Variants in CUL2 observed in about 807,000 individuals in gnomAD.
The protein encoded by CUL2 is cullin 2.
In CUL2, 22 loss-of-function variants were observed where a neutral mutation model predicts 110.2. The ratio of observed to expected loss-of-function variants is 0.20; its 90% CI spans 0.14 to 0.28. The LOEUF (loss-of-function observed/expected upper bound fraction) is 0.28. CUL2 is among the 10% of genes least tolerant of loss of function. CUL2 has a pLI of 1.00. For synonymous variants in CUL2, 279 were observed against 293.2 expected (o/e 0.95, Z 0.49); for missense variants, 631 against 905.5 (o/e 0.70, Z 3.89).
At chr10:35,126,112 G>C (rs1162114748) in intron 1 of CUL2, among the ~76,000 whole-genome samples, 2 of 151,646 alleles carry the variant, frequency 1.3e-5, no homozygotes, top group East Asian at 3.9e-4. Context: ...GTGAGCCCCC[G>C]GCCGACCTTT....
intron 17 of CUL2, among the ~76,000 whole-genome samples, chr10:35,024,485 T>G (rs1588959871): frequency 6.6e-6 from 1 of 152,184 alleles, no homozygotes; most frequent in African/African-American, 2.4e-5. Flanking sequence ...TCAATGAACT[T>G]GTCAAAGCAT....
At chr10:35,013,050 T>C (rs2134617172) in intron 19 of CUL2, among the ~76,000 whole-genome samples, 1 of 152,224 alleles carries the variant, frequency 6.6e-6, no homozygotes, top group South Asian at 2.1e-4. Flanking sequence ...TTGAAAGAAA[T>C]GAGCTGTAGG....
chr10:35,048,808 C>T (rs1446084573), intron 6 of CUL2, among the ~76,000 whole-genome samples: 1 of 152,176 alleles, frequency 6.6e-6, no homozygotes, highest in Non-Finnish European at 1.5e-5. Flanking sequence ...TAAAAATATT[C>T]TCTTATCTTC....
intron 2 of CUL2, among the ~76,000 whole-genome samples, chr10:35,067,298 C>T (rs1277746765): frequency 1.3e-5 from 2 of 152,100 alleles, no homozygotes; most frequent in East Asian, 1.9e-4. Context: ...CTTTAGATGC[C>T]ACTTCTCCTC....
intron 2 of CUL2, among the ~76,000 whole-genome samples, chr10:35,097,351 T>C (rs1025973653): frequency 4.6e-5 from 7 of 151,934 alleles, no homozygotes; most frequent in Non-Finnish European, 8.8e-5. Flanking sequence ...GGAGGGAGGA[T>C]TGCTTGAGGC....
chr10:35,035,847 C>T (rs1054936032), intron 9 of CUL2, among the ~76,000 whole-genome samples: 2 of 152,214 alleles, frequency 1.3e-5, no homozygotes, highest in Non-Finnish European at 2.9e-5. Flanking sequence ...ACCACAGCTG[C>T]CAACAGCAGA....
chr10:35,076,607 C>T lies in CUL2; in HGVS notation c.-22-5268G>A, dbSNP rs574623664. ...CATTGCCACCTCCCATTGAATGAGG[C>T]AATAAATGTTATATGTTCCTGGGTG... On this transcript the variant is annotated intron_variant, in intron 1 of 20. Transcript: ENST00000374749. 7.9e-5 allele frequency among the ~76,000 whole-genome samples: 12 copies of T among 152,200 alleles called. No homozygotes were observed. The East Asian group carries it at 2.3e-3, about 29-fold the overall frequency.
chr10:35,029,650 A>G lies in CUL2; in HGVS notation c.1387-10T>C, dbSNP rs2085432911. ...CATAACCACAGGCTTGCTATAAAAAAGTTTTAGAAAATACATGAATTCAAA... is the reference window on the plus strand; with the variant it reads ...CATAACCACAGGCTTGCTATAAAAAGGTTTTAGAAAATACATGAATTCAAA... On this transcript the variant is annotated splice_polypyrimidine_tract_variant and intron_variant, in intron 14 of 20. Coordinates refer to ENST00000374749, the MANE Select transcript of CUL2 (RefSeq NM_003591.4). The G allele has an allele frequency of 1.3e-6, 2 of 1,574,116 alleles. No individual in the cohort carries two copies. Among genetic ancestry groups the G allele is most frequent in the African/African-American group, 2.8e-5 (2 of 72,506 alleles).
intron 2 of CUL2, among the ~76,000 whole-genome samples, chr10:35,066,547 G>A (rs540776505): frequency 1.3e-5 from 2 of 152,264 alleles, no homozygotes; most frequent in African/African-American, 4.8e-5. Context: ...TGATCCACCC[G>A]CCTCAACCTC....
At chr10:35,035,062 T>C (rs1201089311) in intron 10 of CUL2, 110 bp downstream of exon 10, 4 of 1,268,756 alleles carry the variant, frequency 3.2e-6, no homozygotes, top group Non-Finnish European at 4.4e-6. Context: ...ATTTCTTTCG[T>C]TGGCATGGTA....
At chr10:35,116,761 T>C (rs960030530) in intron 1 of CUL2, among the ~76,000 whole-genome samples, 1 of 152,108 alleles carries the variant, frequency 6.6e-6, no homozygotes, top group Non-Finnish European at 1.5e-5. Flanking sequence ...GGTCAAGAGA[T>C]TGAGACCATC....
intron 17 of CUL2, among the ~76,000 whole-genome samples, chr10:35,022,986 A>C (rs916808016): frequency 6.6e-6 from 1 of 151,990 alleles, no homozygotes; most frequent in Non-Finnish European, 1.5e-5. Context: ...TGGAGGTTGC[A>C]GTGAGCCGAG....
chr10:35,048,296 C>T (rs183394028), intron 6 of CUL2, among the ~76,000 whole-genome samples: 24 of 152,192 alleles, frequency 1.6e-4, no homozygotes, highest in African/African-American at 5.5e-4. Context: ...CCGATTATAA[C>T]AACAAAAATA....
intron 1 of CUL2, among the ~76,000 whole-genome samples, chr10:35,110,759 C>A (rs972029460): frequency 3.3e-5 from 5 of 152,106 alleles, no homozygotes; most frequent in Admixed American, 3.3e-4. Context: ...TGTGTGCATG[C>A]ATCCCTCGTA....
intron 4 of CUL2, among the ~76,000 whole-genome samples, chr10:35,055,544 G>A (rs1336974143): frequency 1.3e-5 from 2 of 152,130 alleles, no homozygotes; most frequent in Non-Finnish European, 2.9e-5. Flanking sequence ...AGCAGCCTGG[G>A]TAACAGCGAG....
intron 1 of CUL2, among the ~76,000 whole-genome samples, chr10:35,085,454 C>G (rs1409608126): frequency 6.7e-6 from 1 of 150,030 alleles, no homozygotes; most frequent in South Asian, 2.1e-4. Flanking sequence ...ATAAAAATAA[C>G]TGTTAGGGCC....
At chr10:35,074,476 C>A in intron 1 of CUL2, 1 of 552,016 alleles carries the variant, frequency 1.8e-6, no homozygotes, top group Non-Finnish European at 3.3e-6. Context: ...ACCTAACTCC[C>A]ACTGATAGTC....
chr10:35,015,516 T>A (rs562206735), intron 18 of CUL2, among the ~76,000 whole-genome samples: 1 of 152,142 alleles, frequency 6.6e-6, no homozygotes, highest in East Asian at 1.9e-4. Flanking sequence ...AACAAAACAT[T>A]ATTTATAGGA....
intron 1 of CUL2, among the ~76,000 whole-genome samples, chr10:35,106,968 TTTTG>T (rs943933327): frequency 2.0e-5 from 3 of 152,048 alleles, no homozygotes; most frequent in African/African-American, 4.8e-5. Flanking sequence ...TTTGTTGTTT[TTTTG>T]TTTGTTTGTT....
Sources: allele counts gnomAD v4.1 joint callset (sites outside exome capture counted in the v4.1 genomes callset), GRCh38; gene constraint gnomAD v4.1.1; transcripts MANE v1.5; gene names NCBI Gene and HGNC (gene_info 2026-07-23, HGNC 2026-07-21).